The following ISL2 variants were observed in gnomAD, a reference collection of about 807,000 sequenced individuals.
The protein encoded by ISL2 is ISL LIM homeobox 2.
In ISL2, 17 loss-of-function variants were observed where a neutral mutation model predicts 34.6. The observed-to-expected ratio is 0.49, with a 90% confidence interval of 0.34 to 0.74. The LOEUF is 0.74. Among genes scored for constraint, ISL2 ranks in the 30% least tolerant of loss-of-function variants. The pLI is 0.01. For missense variants in ISL2, 469 were observed against 515.2 expected, an observed-to-expected ratio of 0.91 and a Z score of 0.87; for synonymous variants, 232 against 225.5, an observed-to-expected ratio of 1.03 and a Z score of -0.26.
At chr15:76,337,543 G>A (rs2040159887) in intron 1 of ISL2, 2 of 470,872 alleles carry the variant, frequency 4.2e-6, no homozygotes. Context: ...ATTAATGAAT[G>A]TAATAACGAA....
Position 76,338,468 on chromosome 15 carries a change from G to A in ISL2, c.465G>A (p.Pro155=). The A allele has an allele frequency of 3.6e-6, 5 of 1,401,260 alleles. No homozygotes were observed. The highest frequency in any genetic ancestry group is 2.8e-6 in the Non-Finnish European group (3 of 1,082,796). The allele number at this position is 1,401,260 out of a possible 1,614,324, so 86.8% of individuals were successfully genotyped here. ...LLLERAAAGS[P]RSPGPLPGAR... ...TCGAGCGCGCCGCGGCCGGCAGCCC[G>A]CGCAGCCCCGGCCCGCTTCCCGGCG... is the stretch of plus-strand genomic sequence containing the variant. Residue 155 remains proline, a synonymous_variant, in exon 3 of 6, where the codon CCG becomes CCA. Coordinates refer to ENST00000290759, the MANE Select transcript of ISL2 (RefSeq NM_145805.3).
Position 76,342,030 on chromosome 15 carries a change from C to G in ISL2, c.*195C>G. On this transcript the variant is annotated 3_prime_UTR_variant, in exon 6 of 6. Transcript: ENST00000290759. Reference sequence around the variant, plus strand: ...CAACCTGCTTTCACCAGACTGCAGACCCCTGCTCCGAGGACTCTTAGTTTT... The same window carrying G: ...CAACCTGCTTTCACCAGACTGCAGAGCCCTGCTCCGAGGACTCTTAGTTTT... The G allele has an allele frequency of 1.8e-6, 1 of 554,518 alleles. No homozygotes were observed. Among genetic ancestry groups the G allele is most frequent in the Non-Finnish European group, 3.2e-6 (1 of 310,400 alleles). 34.3% of individuals were successfully genotyped at this position (554,518 alleles called of 1,614,324 possible).
intron 3 of ISL2, chr15:76,339,940 TTCGC>T (rs2040180996): frequency 2.6e-6 from 3 of 1,133,104 alleles, no homozygotes; most frequent in Non-Finnish European, 3.3e-6. Context: ...TCCGGAGGGC[TTCGC>T]TCGTTCCGAG....
chr15:76,340,025 C>T (rs1681838032), intron 3 of ISL2: 4 of 1,310,628 alleles, frequency 3.1e-6, no homozygotes, highest in Non-Finnish European at 3.9e-6. Flanking sequence ...CGCCGAGCTC[C>T]CGCGCCCTGC....
Position 76,338,357 on chromosome 15 carries a change from C to T in ISL2, c.354C>T (p.Ser118=), listed in dbSNP as rs372925154. ...ACCACATCGAGTGCTTCCGCTGCTC[C>T]GTGTGCAGCCGCCAGCTGCTGCCTG... The part of the protein sequence containing the change: ...SVYHIECFRC[S]VCSRQLLPGD... The change falls in exon 3 of 6, where the codon TCC becomes TCT. Residue 118 remains serine, a synonymous_variant. Transcript: ENST00000290759. 2 of 1,559,246 alleles carry T rather than the reference C, an allele frequency of 1.3e-6. No homozygotes were observed. The highest frequency in any genetic ancestry group is 8.6e-7 in the Non-Finnish European group (1 of 1,160,472).
chr15:76,337,476 C>T (rs7183555), intron 1 of ISL2: 9,420 of 408,334 alleles, frequency 0.023, 778 homozygotes, highest in African/African-American at 0.18. Context: ...TGTATTTACT[C>T]TCTTCTTAGT....
In ISL2 at chr15:76,340,291, G is replaced by A. The variant is rs1369593925; in HGVS notation, c.527G>A (p.Arg176Gln). The A allele has an allele frequency of 3.1e-6, 5 of 1,605,874 alleles. No homozygotes were observed. Among genetic ancestry groups the A allele is most frequent in the South Asian group, 2.2e-5 (2 of 90,666 alleles). Residue 176 changes from arginine (R) to glutamine (Q), a missense_variant, in exon 4 of 6, where the codon CGG (arginine) becomes CAG (glutamine). Physicochemically the swap from Arg to Gln is conservative, Grantham distance 43 (BLOSUM62 1). Around this residue, in one of 3 missense-constraint regions of ISL2, gnomAD observed 297 missense variants for 337.8 expected, o/e 0.88. Coordinates refer to ENST00000290759, the MANE Select transcript of ISL2 (RefSeq NM_145805.3). The part of the protein sequence containing the change: ...GLHLPDAGSG[R>Q]QPALRPHVHK... Reference sequence around the variant, plus strand: ...GTCCTGGCAGACGCTGGGTCGGGCCGGCAGCCCGCGTTGCGCCCGCACGTG... The same window carrying A: ...GTCCTGGCAGACGCTGGGTCGGGCCAGCAGCCCGCGTTGCGCCCGCACGTG...
At chr15:76,337,350 C>G (rs1475512184) in intron 1 of ISL2, 1 of 313,528 alleles carries the variant, frequency 3.2e-6, no homozygotes, top group Non-Finnish European at 5.8e-6. Context: ...CGGGGACTGC[C>G]GAAAGACGAT....
At chr15:76,338,077 C>T (rs928366825) in intron 2 of ISL2, 110 bp downstream of exon 2, 21 of 1,311,424 alleles carry the variant, frequency 1.6e-5, no homozygotes, top group Admixed American at 1.2e-4. Flanking sequence ...GAAGGCCATC[C>T]GCATCCCGCA....
rs754034404 is a variant in ISL2, at chr15:76,337,851, C to T, written c.132C>T (p.Pro44=). 1 of 1,612,368 alleles carries T rather than the reference C, an allele frequency of 6.2e-7. No homozygotes were observed. The highest frequency in any genetic ancestry group is 8.5e-7 in the Non-Finnish European group (1 of 1,179,556). ...ACCAGTTTATCCTGCGGGTGTCGCCCGACCTCGAGTGGCACGCGGCCTGCC... is the reference window on the plus strand; with the variant it reads ...ACCAGTTTATCCTGCGGGTGTCGCCTGACCTCGAGTGGCACGCGGCCTGCC... ...IHDQFILRVS[P]DLEWHAACLK... is the part of the protein sequence containing the mutation. Residue 44 remains proline (P), a synonymous_variant, in exon 2 of 6, where the codon CCC becomes CCT. Transcript: ENST00000290759.
chr15:76,338,296 G>A lies in ISL2; in HGVS notation c.293G>A (p.Ser98Asn). Residue 98 changes from serine to asparagine, a missense_variant, in exon 3 of 6, where the codon AGC (serine) becomes AAC (asparagine). By Grantham distance (46) the Ser-to-Asn change is conservative. Around this residue, in one of 3 missense-constraint regions of ISL2, gnomAD observed 297 missense variants for 337.8 expected, o/e 0.88. Coordinates refer to ENST00000290759, the MANE Select transcript of ISL2 (RefSeq NM_145805.3). Reference protein sequence around the residue: ...KCAKCQVGFSSSDLVMRARDS... With the variant: ...KCAKCQVGFSNSDLVMRARDS... ...GCCAAGTGCCAGGTGGGCTTCAGCAGCAGCGACCTGGTGATGAGGGCGCGG... is the reference window on the plus strand; with the variant it reads ...GCCAAGTGCCAGGTGGGCTTCAGCAACAGCGACCTGGTGATGAGGGCGCGG... 6.3e-7 allele frequency: 1 copy of A among 1,585,062 alleles called. No individual in the cohort carries two copies. Among genetic ancestry groups the A allele is most frequent in the East Asian group, 2.4e-5 (1 of 42,420 alleles).
In ISL2 at chr15:76,338,390, G is replaced by C. The variant is rs2040168572; in HGVS notation, c.387G>C (p.Glu129Asp). Residue 129 changes from glutamate to aspartate, a missense_variant, in exon 3 of 6, where the codon GAG (glutamate) becomes GAC (aspartate). Around this residue, in one of 3 missense-constraint regions of ISL2, gnomAD observed 297 missense variants for 337.8 expected, o/e 0.88. Transcript: ENST00000290759. ...GCCGCCAGCTGCTGCCTGGGGACGA[G>C]TTCTCGCTGCGGGAGCACGAGCTGC... ...VCSRQLLPGDEFSLREHELLC... is the reference protein window; with the variant it reads ...VCSRQLLPGDDFSLREHELLC... 8 of 1,540,996 alleles carry C rather than the reference G, an allele frequency of 5.2e-6. No homozygotes were observed. The highest frequency in any genetic ancestry group is 6.1e-6 in the Non-Finnish European group (7 of 1,153,268).
rs1210498977 is a variant in ISL2, at chr15:76,341,156, C to T, written c.818C>T (p.Thr273Met). The T allele has an allele frequency of 6.2e-7, 1 of 1,609,618 alleles. No homozygotes were observed. The highest frequency in any genetic ancestry group is 2.2e-5 in the East Asian group (1 of 44,838). ...DKTSLQGLTG[T>M]PLVAGSPIRH... ...CAGAGCCTTCAGGGACTGACTGGGA[C>T]GCCCCTGGTGGCGGGCAGTCCCATC... is the stretch of plus-strand genomic sequence containing the variant. Residue 273 changes from threonine to methionine, a missense_variant, in exon 5 of 6, where the codon ACG (threonine) becomes ATG (methionine). Around this residue, in one of 3 missense-constraint regions of ISL2, gnomAD observed 169 missense variants for 154.2 expected, o/e 1.10. Coordinates refer to ENST00000290759, the MANE Select transcript of ISL2 (RefSeq NM_145805.3).
In ISL2 at chr15:76,337,776, A is replaced by G; in HGVS notation, c.59-2A>G. The G allele has an allele frequency of 6.3e-7, 1 of 1,583,546 alleles. No individual in the cohort carries two copies. Among genetic ancestry groups the G allele is most frequent in the Non-Finnish European group, 8.6e-7 (1 of 1,161,820 alleles). Reference sequence around the variant, plus strand: ...ACGCGGCCCCGCGCCCTTCCCCGGCAGAGAAGCCCGGGACGGCCATGTGCG... The same window carrying G: ...ACGCGGCCCCGCGCCCTTCCCCGGCGGAGAAGCCCGGGACGGCCATGTGCG... On this transcript the variant is annotated splice_acceptor_variant, in intron 1 of 5. Coordinates refer to ENST00000290759, the MANE Select transcript of ISL2 (RefSeq NM_145805.3). LOFTEE classifies it high-confidence loss of function.
chr15:76,339,963 G>T, intron 3 of ISL2: 1 of 1,180,006 alleles, frequency 8.5e-7, no homozygotes, highest in Non-Finnish European at 1.0e-6. Flanking sequence ...AGGGTCCTGC[G>T]ACTGGAGGAG....
chr15:76,336,978 G>C, intron 1 of ISL2, 37 bp downstream of exon 1: 1 of 1,559,086 alleles, frequency 6.4e-7, no homozygotes. Flanking sequence ...TGGGGTGTGT[G>C]TGTATGCTTA....
rs1265965462 is a variant in ISL2 at position 76,338,450 on chromosome 15, C to T, written c.447C>T (p.Arg149=). The change falls in exon 3 of 6, where the codon CGC becomes CGT. Residue 149 remains arginine, a synonymous_variant. Transcript: ENST00000290759. ...CRADHGLLLE[R]AAAGSPRSPG... ...CCGACCACGGCCTCCTGCTCGAGCG[C>T]GCCGCGGCCGGCAGCCCGCGCAGCC... 3 of 1,428,968 alleles carry T rather than the reference C, an allele frequency of 2.1e-6. No homozygotes were observed. Among genetic ancestry groups the T allele is most frequent in the South Asian group, 2.8e-5 (2 of 70,550 alleles). The allele number at this position is 1,428,968 out of a possible 1,614,324, so 88.5% of individuals were successfully genotyped here.
intron 1 of ISL2, 41 bp downstream of exon 1, chr15:76,336,982 A>G: frequency 2.6e-6 from 4 of 1,518,698 alleles, no homozygotes; most frequent in Non-Finnish European, 3.6e-6. Flanking sequence ...GTGTGTGTGT[A>G]TGCTTAATAT....
At chr15:76,340,592 G>C in intron 4 of ISL2, 33 bp downstream of exon 4, 3 of 1,581,926 alleles carry the variant, frequency 1.9e-6, no homozygotes, top group Non-Finnish European at 1.7e-6. Flanking sequence ...GCTCGAGTCG[G>C]GTGGGGGCTG....
Sources: gnomAD v4.1 joint callset for allele counts on GRCh38, gnomAD v4.1.1 for gene constraint, gnomAD v4.1.1 regional missense constraint, MANE v1.5 for transcripts, NCBI Gene and HGNC (gene_info 2026-07-23, HGNC 2026-07-21) for gene names.